RAB11A: variants seen among roughly 807,000 people sequenced by gnomAD.
RAB11A encodes the protein ras-related protein Rab-11A.
A neutral mutation model predicts 28.0 loss-of-function variants in RAB11A; 9 were observed. The ratio of observed to expected loss-of-function variants is 0.32; its 90% CI spans 0.19 to 0.56. The LOEUF (loss-of-function observed/expected upper bound fraction) is 0.56, where lower values mean the gene tolerates loss of function less well. Among genes scored for constraint, RAB11A ranks in the 20% least tolerant of loss-of-function variants. RAB11A has a pLI of 0.91. For missense variants in RAB11A, 108 were observed against 269.6 expected (o/e 0.40, Z 4.20); for synonymous variants, 85 against 88.2 (o/e 0.96, Z 0.20).
At position 65,877,194 on chromosome 15, in the gene RAB11A, C is replaced by T. The variant is rs1458711535; in HGVS notation, c.41-138C>T. 6 of 671,332 alleles carry T rather than the reference C, an allele frequency of 8.9e-6. No individual in the cohort carries two copies. The Admixed American group carries it at 1.8e-4, about 20-fold the overall frequency. 41.6% of individuals were successfully genotyped at this position (671,332 alleles called of 1,614,324 possible). ...AACATGCTGTTCAACCCCCTACCCC[C>T]ATTCCTTTTTAAAAGTCATATACCT... is the stretch of plus-strand genomic sequence containing the variant. On this transcript the variant is annotated intron_variant, in intron 1 of 4. Transcript: ENST00000261890. This position sits in a 1 kb window ranked among gnomAD's most constrained non-coding sequence, Gnocchi z 4.1.
chr15:65,877,355 G>A lies in RAB11A; in HGVS notation c.64G>A (p.Val22Ile). Residue 22 changes from valine to isoleucine, a missense_variant, in exon 2 of 5, where the codon GTT becomes ATT. By Grantham distance (29) the Val-to-Ile change is conservative (BLOSUM62 3). This residue lies in a region of RAB11A where 23 missense variants were observed against 123.7 expected (regional missense o/e 0.19). Coordinates refer to ENST00000261890, the MANE Select transcript of RAB11A (RefSeq NM_004663.5). The surrounding 1 kb of genome is among the most constrained non-coding windows in gnomAD (Gnocchi z 4.1). Reference sequence around the variant, plus strand: ...AGTTGTCCTTATTGGAGATTCTGGTGTTGGAAAGAGTAATCTCCTGTCTCG... The same window carrying A: ...AGTTGTCCTTATTGGAGATTCTGGTATTGGAAAGAGTAATCTCCTGTCTCG... ...FKVVLIGDSG[V>I]GKSNLLSRFT... The A allele has an allele frequency of 6.2e-7, 1 of 1,613,440 alleles. No individual in the cohort carries two copies. The highest frequency in any genetic ancestry group is 8.5e-7 in the Non-Finnish European group (1 of 1,179,596).
intron 4 of RAB11A, among the ~76,000 whole-genome samples, chr15:65,883,837 G>A (rs2078237357): frequency 2.0e-5 from 3 of 151,960 alleles, no homozygotes; most frequent in Admixed American, 2.0e-4. Flanking sequence ...GTGAGCCACC[G>A]CCCCTGGCCT....
At chr15:65,871,373 A>G (rs1410905421) in intron 1 of RAB11A, among the ~76,000 whole-genome samples, 2 of 152,252 alleles carry the variant, frequency 1.3e-5, no homozygotes, top group Non-Finnish European at 2.9e-5. Flanking sequence ...CAAAAAGTAT[A>G]TGACAGCATA....
chr15:65,887,927 T>C lies in RAB11A; in HGVS notation c.*87T>C, dbSNP rs1453501391. 7.6e-7 allele frequency: 1 copy of C among 1,322,254 alleles called. No individual in the cohort carries two copies. The highest frequency in any genetic ancestry group is 1.0e-6 in the Non-Finnish European group (1 of 1,004,452). 81.9% of individuals were successfully genotyped at this position (1,322,254 alleles called of 1,614,324 possible). On this transcript the variant is annotated 3_prime_UTR_variant, in exon 5 of 5. Coordinates refer to ENST00000261890, the MANE Select transcript of RAB11A (RefSeq NM_004663.5). ...TATATTTGTAATTCTTGTGTCACTTTTGTGTTTTATTACTTCATACTTATG... is the reference window on the plus strand; with the variant it reads ...TATATTTGTAATTCTTGTGTCACTTCTGTGTTTTATTACTTCATACTTATG...
At chr15:65,881,993 A>G (rs184376549) in intron 4 of RAB11A, among the ~76,000 whole-genome samples, 122 of 151,860 alleles carry the variant, frequency 8.0e-4, no homozygotes, top group Admixed American at 7.3e-3. Flanking sequence ...TTAGGCTGCA[A>G]TGAGCCGAGA....
intron 1 of RAB11A, among the ~76,000 whole-genome samples, chr15:65,873,998 A>C (rs966281664): frequency 1.3e-5 from 2 of 152,244 alleles, no homozygotes; most frequent in Non-Finnish European, 2.9e-5. Flanking sequence ...ATTACCAGTT[A>C]TTCTCTCACG....
chr15:65,871,906 T>C (rs1446837691), intron 1 of RAB11A, among the ~76,000 whole-genome samples: 1 of 149,814 alleles, frequency 6.7e-6, no homozygotes, highest in Non-Finnish European at 1.5e-5. Context: ...AAGAAGTTAC[T>C]GTGGTTTTGT....
intron 1 of RAB11A, chr15:65,869,899 C>T: frequency 3.0e-6 from 1 of 336,416 alleles, no homozygotes; most frequent in Admixed American, 4.8e-5. Flanking sequence ...TGCCTTCTCC[C>T]ACATCGTCGA....
intron 4 of RAB11A, among the ~76,000 whole-genome samples, chr15:65,881,901 A>AC (rs1423021425): frequency 7.2e-6 from 1 of 138,662 alleles, no homozygotes; most frequent in Non-Finnish European, 1.5e-5. Flanking sequence ...AAAAAAAAAA[A>AC]CACAAAAAAA....
intron 1 of RAB11A, among the ~76,000 whole-genome samples, chr15:65,870,954 TCTCA>T (rs1475358469): frequency 4.6e-5 from 7 of 152,092 alleles, no homozygotes; most frequent in Admixed American, 3.9e-4. Context: ...GTGAATGCAC[TCTCA>T]CTCTGATGCT....
At chr15:65,883,306 C>G (rs994128876) in intron 4 of RAB11A, among the ~76,000 whole-genome samples, 1 of 152,204 alleles carries the variant, frequency 6.6e-6, no homozygotes, top group African/African-American at 2.4e-5. Flanking sequence ...GTTCCTCAAT[C>G]TTTTGTTTAT....
At chr15:65,869,666 G>T (rs888422756) in intron 1 of RAB11A, 41 bp downstream of exon 1, 2 of 1,588,530 alleles carry the variant, frequency 1.3e-6, no homozygotes, top group African/African-American at 1.3e-5. Flanking sequence ...GTCCTCGTTC[G>T]GGGACCCGGG....
chr15:65,887,177 C>G (rs1263908170), intron 4 of RAB11A, among the ~76,000 whole-genome samples: 1 of 141,332 alleles, frequency 7.1e-6, no homozygotes, highest in Non-Finnish European at 1.6e-5. Flanking sequence ...TGGCTTACCT[C>G]TTTTTTTTTT....
At chr15:65,880,761 G>A (rs2078217164) in intron 4 of RAB11A, among the ~76,000 whole-genome samples, 1 of 152,116 alleles carries the variant, frequency 6.6e-6, no homozygotes, top group African/African-American at 2.4e-5. Context: ...TACAATCTTA[G>A]GCAAGTTACC....
chr15:65,875,115 G>T (rs542086424), intron 1 of RAB11A, among the ~76,000 whole-genome samples: 1 of 151,388 alleles, frequency 6.6e-6, no homozygotes, highest in African/African-American at 2.4e-5. Context: ...CTACTCCCCC[G>T]GCTAGAGTAC....
In RAB11A at chr15:65,889,758, G is replaced by C. The variant is rs1395784460; in HGVS notation, c.*1918G>C. 6.6e-6 allele frequency: 1 copy of C among 152,152 alleles called. No individual in the cohort carries two copies. Among genetic ancestry groups the C allele is most frequent in the Non-Finnish European group, 1.5e-5 (1 of 68,028 alleles). 9.4% of individuals were successfully genotyped at this position (152,152 alleles called of 1,614,324 possible). ...GATTTTTTACAAAGTAAGGAGAAAA[G>C]AGAAAAACTAAATAGTGAATTGAAA... is the stretch of plus-strand genomic sequence containing the variant. On this transcript the variant is annotated 3_prime_UTR_variant, in exon 5 of 5. Coordinates refer to ENST00000261890, the MANE Select transcript of RAB11A (RefSeq NM_004663.5).
intron 1 of RAB11A, chr15:65,870,117 C>T (rs1436812391): frequency 1.3e-5 from 2 of 153,062 alleles, no homozygotes; most frequent in African/African-American, 4.8e-5. Flanking sequence ...TTTCCCCCCT[C>T]GAGCGAGCGT....
chr15:65,872,464 C>T (rs866790364), intron 1 of RAB11A, among the ~76,000 whole-genome samples: 27 of 130,944 alleles, frequency 2.1e-4, no homozygotes, highest in South Asian at 1.2e-3. Flanking sequence ...GATGGTATTT[C>T]GCTCTTGTTT....
intron 4 of RAB11A, among the ~76,000 whole-genome samples, chr15:65,886,459 A>G (rs182610951): frequency 6.3e-4 from 96 of 152,370 alleles, no homozygotes; most frequent in African/African-American, 2.1e-3. Context: ...TTATAGGAAT[A>G]CATTGTGTCT....
Sources: allele counts gnomAD v4.1 joint callset (sites outside exome capture counted in the v4.1 genomes callset), GRCh38; gene constraint gnomAD v4.1.1; regional missense constraint gnomAD v4.1.1; non-coding constraint Gnocchi (gnomAD v3.1); transcripts MANE v1.5; gene names NCBI Gene and HGNC (gene_info 2026-07-23, HGNC 2026-07-21).